The following FAM110B variants were observed in gnomAD, a reference collection of about 807,000 sequenced individuals.
FAM110B encodes family with sequence similarity 110 member B.
FAM110B carries 6 observed loss-of-function variants against 20.4 expected under a neutral mutation model. The observed-to-expected ratio is 0.29, with a 90% confidence interval of 0.16 to 0.58. The LOEUF (loss-of-function observed/expected upper bound fraction) is 0.58, where lower values mean the gene tolerates loss of function less well. FAM110B is among the 20% of genes least tolerant of loss of function. The probability of loss-of-function intolerance (pLI) is 0.90; values close to 1 mark genes in which losing one functional copy is unlikely to be tolerated. For missense variants in FAM110B, 434 were observed against 498.2 expected (o/e 0.87, Z 1.23); for synonymous variants, 226 against 214.1 (o/e 1.06, Z -0.49).
chr8:58,078,159 A>C (rs1806084551), intron 3 of FAM110B, among the ~76,000 whole-genome samples: 1 of 152,208 alleles, frequency 6.6e-6, no homozygotes, highest in Admixed American at 6.5e-5. Flanking sequence ...TTAAATTTTC[A>C]CTGCTCTCAA....
Position 58,146,829 on chromosome 8 carries a change from C to T in FAM110B, c.599C>T (p.Ser200Phe), listed in dbSNP as rs1206423467. 2 of 1,611,832 alleles carry T rather than the reference C, an allele frequency of 1.2e-6. No homozygotes were observed. The highest frequency in any genetic ancestry group is 1.7e-6 in the Non-Finnish European group (2 of 1,178,688). ...TCCTTCCTCCACGTGTCCCACAGCT[C>T]TTCGGACATCCGCAAGGTGACCAGC... ...AESFLHVSHS[S>F]SDIRKVTSVK... Residue 200 changes from serine (S) to phenylalanine (F), a missense_variant, in exon 4 of 4, where the codon TCT (serine) becomes TTT (phenylalanine). Ser to Phe is a radical substitution (Grantham distance 155, BLOSUM62 -2). This residue lies in a region of FAM110B where 284 missense variants were observed against 278.3 expected (regional missense o/e 1.02). Transcript: ENST00000519262.
chr8:58,105,287 G>C (rs1806879809), intron 3 of FAM110B, among the ~76,000 whole-genome samples: 1 of 152,102 alleles, frequency 6.6e-6, no homozygotes, highest in South Asian at 2.1e-4. Flanking sequence ...TTAACTCCTG[G>C]AAACCTCAGG....
intron 3 of FAM110B, among the ~76,000 whole-genome samples, chr8:58,104,194 A>G (rs1024912252): frequency 6.6e-6 from 1 of 152,210 alleles, no homozygotes; most frequent in African/African-American, 2.4e-5. Context: ...ATATGGAATC[A>G]TGTGGTTGAA....
intron 3 of FAM110B, among the ~76,000 whole-genome samples, chr8:58,092,411 A>T (rs1437513748): frequency 6.6e-6 from 1 of 151,950 alleles, no homozygotes; most frequent in Non-Finnish European, 1.5e-5. Context: ...CTACCCCCCG[A>T]CAGGCCATGG....
intron 1 of FAM110B, among the ~76,000 whole-genome samples, chr8:58,023,794 A>T (rs1194465406): frequency 2.0e-5 from 3 of 152,190 alleles, no homozygotes; most frequent in African/African-American, 7.2e-5. Context: ...TATTAATTAG[A>T]TCATATCCAG....
chr8:58,049,425 G>T (rs1352214952), intron 2 of FAM110B, among the ~76,000 whole-genome samples: 2 of 151,098 alleles, frequency 1.3e-5, no homozygotes, highest in East Asian at 3.9e-4. Context: ...AAATGTAGTT[G>T]CTTACACTCC....
chr8:57,999,799 G>A (rs1804256539), intron 1 of FAM110B, among the ~76,000 whole-genome samples: 1 of 152,030 alleles, frequency 6.6e-6, no homozygotes, highest in Non-Finnish European at 1.5e-5. Context: ...CGAGAATGGG[G>A]GCCACTTTTC....
At chr8:58,077,548 G>A (rs1233170618) in intron 3 of FAM110B, among the ~76,000 whole-genome samples, 1 of 152,148 alleles carries the variant, frequency 6.6e-6, no homozygotes, top group East Asian at 1.9e-4. Flanking sequence ...GTAACCAGTT[G>A]GATGGACTGG....
chr8:58,033,262 T>C (rs1227622571), intron 2 of FAM110B, among the ~76,000 whole-genome samples: 1 of 152,208 alleles, frequency 6.6e-6, no homozygotes, highest in Non-Finnish European at 1.5e-5. Context: ...TAGTATTCCA[T>C]GGTGTGTATG....
At chr8:58,013,259 A>G (rs1804575386) in intron 1 of FAM110B, among the ~76,000 whole-genome samples, 1 of 152,200 alleles carries the variant, frequency 6.6e-6, no homozygotes, top group Non-Finnish European at 1.5e-5. Context: ...ATGGAGTATC[A>G]TCAGTATCAT....
intron 3 of FAM110B, among the ~76,000 whole-genome samples, chr8:58,080,436 G>T (rs999496094): frequency 6.6e-6 from 1 of 152,208 alleles, no homozygotes; most frequent in Non-Finnish European, 1.5e-5. Context: ...AAAGAGAGGA[G>T]ATTTAAACAG....
chr8:57,999,970 T>C (rs1041951503), intron 1 of FAM110B, among the ~76,000 whole-genome samples: 14 of 152,338 alleles, frequency 9.2e-5, no homozygotes, highest in Non-Finnish European at 1.8e-4. Flanking sequence ...CTTTGCATTT[T>C]ATTCATCAAA....
intron 1 of FAM110B, among the ~76,000 whole-genome samples, chr8:58,013,113 C>G (rs1563496844): frequency 6.6e-6 from 1 of 152,168 alleles, no homozygotes; most frequent in African/African-American, 2.4e-5. Flanking sequence ...CTAGGATCTC[C>G]TTCTCCTGAA....
intron 1 of FAM110B, among the ~76,000 whole-genome samples, chr8:58,022,791 T>C (rs1356428539): frequency 6.6e-6 from 1 of 152,198 alleles, no homozygotes; most frequent in Non-Finnish European, 1.5e-5. Flanking sequence ...TGCCACCTGC[T>C]CTGGAAAGCA....
intron 2 of FAM110B, chr8:58,043,384 A>G (rs1244770944): frequency 6.6e-6 from 1 of 152,170 alleles, no homozygotes; most frequent in Non-Finnish European, 1.5e-5. Flanking sequence ...TGTAAAACAG[A>G]TTGGTCTGCT....
intron 1 of FAM110B, among the ~76,000 whole-genome samples, chr8:58,026,567 TG>T (rs1804859934): frequency 6.6e-6 from 1 of 152,158 alleles, no homozygotes; most frequent in Admixed American, 6.5e-5. Flanking sequence ...GCCTGTCTTA[TG>T]GGTGGGTTCA....
intron 2 of FAM110B, among the ~76,000 whole-genome samples, chr8:58,052,616 C>T (rs936451257): frequency 1.3e-5 from 2 of 151,564 alleles, no homozygotes; most frequent in African/African-American, 2.4e-5. Flanking sequence ...AAAATTACTA[C>T]GGAGGAACAC....
intron 3 of FAM110B, among the ~76,000 whole-genome samples, chr8:58,119,245 T>G (rs1207422666): frequency 6.6e-6 from 1 of 152,190 alleles, no homozygotes; most frequent in African/African-American, 2.4e-5. Context: ...ACTGGGTAAT[T>G]TGTAAACAAC....
In FAM110B at chr8:58,146,202, A is replaced by G; in HGVS notation, c.-29A>G. ...GCGGAGGCGCCCAGAAGAGCATCCA[A>G]CACGGCTGCCGGGGAAAGACCGCCC... On this transcript the variant is annotated 5_prime_UTR_variant, in exon 4 of 4. Transcript: ENST00000519262. 6.4e-7 allele frequency: 1 copy of G among 1,566,960 alleles called. No homozygotes were observed. The highest frequency in any genetic ancestry group is 2.3e-5 in the East Asian group (1 of 44,344).
Sources: gnomAD v4.1 joint callset for allele counts (sites outside exome capture counted in the v4.1 genomes callset) on GRCh38, gnomAD v4.1.1 for gene constraint, gnomAD v4.1.1 regional missense constraint, MANE v1.5 for transcripts, NCBI Gene and HGNC (gene_info 2026-07-23, HGNC 2026-07-21) for gene names.